Variants in HS3ST5 observed in about 807,000 individuals in gnomAD.
The protein encoded by HS3ST5 is heparan sulfate-glucosamine 3-sulfotransferase 5, also known as heparan sulfate glucosamine 3-O-sulfotransferase 5.
A neutral mutation model predicts 25.4 loss-of-function variants in HS3ST5; 10 were observed. That is an observed-to-expected ratio of 0.39 (90% CI 0.24 to 0.67). The LOEUF is 0.67. HS3ST5 is among the 30% of genes least tolerant of loss of function. The probability of loss-of-function intolerance (pLI) is 0.44; values close to 1 mark genes in which losing one functional copy is unlikely to be tolerated. For synonymous variants in HS3ST5, 170 were observed against 162.4 expected, an observed-to-expected ratio of 1.05 and a Z score of -0.36; for missense variants, 324 against 420.7, an observed-to-expected ratio of 0.77 and a Z score of 2.01.
At chr6:114,174,845 T>G (rs1205262117) in intron 2 of HS3ST5, among the ~76,000 whole-genome samples, 1 of 151,968 alleles carries the variant, frequency 6.6e-6, no homozygotes, top group Non-Finnish European at 1.5e-5. Context: ...ATACAAAAAT[T>G]AGCTGGGCAT....
At chr6:114,087,000 C>T (rs1324208853) in intron 3 of HS3ST5, among the ~76,000 whole-genome samples, 1 of 152,206 alleles carries the variant, frequency 6.6e-6, no homozygotes, top group Non-Finnish European at 1.5e-5. Flanking sequence ...ATAACTCTCA[C>T]AGAAGCTGAC....
chr6:114,084,902 G>T, intron 3 of HS3ST5: 1 of 515,174 alleles, frequency 1.9e-6, no homozygotes, highest in South Asian at 2.0e-5. Context: ...TGTGATCTCG[G>T]CTCACTGCAA....
chr6:114,322,635 C>A (rs1425827745), intron 1 of HS3ST5, among the ~76,000 whole-genome samples: 1 of 152,030 alleles, frequency 6.6e-6, no homozygotes, highest in African/African-American at 2.4e-5. Context: ...GACAAGAATC[C>A]TGGAGGTCAT....
intron 3 of HS3ST5, among the ~76,000 whole-genome samples, chr6:114,096,257 A>C (rs1775418838): frequency 6.6e-6 from 1 of 152,196 alleles, no homozygotes; most frequent in Non-Finnish European, 1.5e-5. Context: ...TAATGTTAAA[A>C]AGTTCCAAAC....
intron 3 of HS3ST5, among the ~76,000 whole-genome samples, chr6:114,090,784 C>T (rs893527433): frequency 1.3e-5 from 2 of 152,130 alleles, no homozygotes; most frequent in African/African-American, 4.8e-5. Context: ...ATTAAATGAA[C>T]AAGAAGTAAA....
chr6:114,197,786 T>C (rs1780832570), intron 2 of HS3ST5, among the ~76,000 whole-genome samples: 1 of 152,166 alleles, frequency 6.6e-6, no homozygotes, highest in Admixed American at 6.5e-5. Flanking sequence ...CAGCTGTATC[T>C]ATGTTGCTGC....
intron 1 of HS3ST5, among the ~76,000 whole-genome samples, chr6:114,277,873 T>A (rs528884507): frequency 6.6e-6 from 1 of 152,002 alleles, no homozygotes; most frequent in Admixed American, 6.6e-5. Context: ...ATAGTTGTAA[T>A]TACAAAGGAA....
chr6:114,156,187 G>A (rs1243990032), intron 3 of HS3ST5, among the ~76,000 whole-genome samples: 1 of 152,068 alleles, frequency 6.6e-6, no homozygotes, highest in African/African-American at 2.4e-5. Context: ...TCTACACTAA[G>A]CTTCCACATC....
chr6:114,241,421 C>G lies in HS3ST5; in HGVS notation c.-338-12643G>C, dbSNP rs571273898. ...TGTATTACTTCTGAAGCAATGTTCT[C>G]CCTTTTATCTACATTCATTATGTAT... On this transcript the variant is annotated intron_variant, in intron 1 of 4. Transcript: ENST00000312719. Among the ~76,000 whole-genome samples the G allele has an allele frequency of 3.2e-4, 48 of 152,188 alleles. No homozygotes were observed. In the South Asian group the frequency reaches 9.0e-3, roughly 28 times the overall value.
chr6:114,313,846 G>A (rs888566800), intron 1 of HS3ST5, among the ~76,000 whole-genome samples: 2 of 152,174 alleles, frequency 1.3e-5, no homozygotes, highest in African/African-American at 4.8e-5. Context: ...TTGGATATGA[G>A]AATTAGAAAT....
intron 1 of HS3ST5, among the ~76,000 whole-genome samples, chr6:114,266,154 G>A (rs1582772205): frequency 2.6e-5 from 4 of 152,068 alleles, no homozygotes; most frequent in South Asian, 2.1e-4. Flanking sequence ...GTCAACTACC[G>A]ATGCCATATC....
At chr6:114,072,653 G>A (rs995726194) in intron 3 of HS3ST5, among the ~76,000 whole-genome samples, 1 of 152,048 alleles carries the variant, frequency 6.6e-6, no homozygotes, top group Non-Finnish European at 1.5e-5. Context: ...AATTCATGGT[G>A]GTAGCTTAAA....
chr6:114,083,389 A>G (rs538207048), intron 3 of HS3ST5, among the ~76,000 whole-genome samples: 67 of 152,208 alleles, frequency 4.4e-4, no homozygotes, highest in African/African-American at 1.5e-3. Context: ...CTGGGAGGCA[A>G]AAGAACAAGA....
chr6:114,062,669 T>G, intron 4 of HS3ST5, 70 bp downstream of exon 4: 1 of 954,182 alleles, frequency 1.0e-6, no homozygotes, highest in African/African-American at 1.6e-5. Context: ...AGACTTAAAA[T>G]TATGTCCTAA....
intron 3 of HS3ST5, among the ~76,000 whole-genome samples, chr6:114,096,457 CA>C (rs1189622786): frequency 6.6e-6 from 1 of 152,062 alleles, no homozygotes; most frequent in African/African-American, 2.4e-5. Flanking sequence ...ATGTTTTTCA[CA>C]GTGAATCTCC....
chr6:114,089,991 T>A (rs1374044191), intron 3 of HS3ST5, among the ~76,000 whole-genome samples: 2 of 152,256 alleles, frequency 1.3e-5, no homozygotes, highest in African/African-American at 4.8e-5. Flanking sequence ...TCTGAAGCTC[T>A]GGCGTTGGGG....
chr6:114,100,044 C>G (rs1441017945), intron 3 of HS3ST5, among the ~76,000 whole-genome samples: 3 of 152,100 alleles, frequency 2.0e-5, no homozygotes, highest in Non-Finnish European at 2.9e-5. Context: ...TATGTTTTAC[C>G]TTTTATCCTA....
intron 3 of HS3ST5, among the ~76,000 whole-genome samples, chr6:114,147,190 CTT>C (rs1267611986): frequency 5.9e-5 from 9 of 152,196 alleles, no homozygotes; most frequent in Non-Finnish European, 1.3e-4. Flanking sequence ...CAGCACATGA[CTT>C]TGTGCTGGAT....
intron 1 of HS3ST5, among the ~76,000 whole-genome samples, chr6:114,256,834 T>A (rs919402966): frequency 6.6e-6 from 1 of 152,184 alleles, no homozygotes; most frequent in Non-Finnish European, 1.5e-5. Context: ...CCAGTACCAA[T>A]TTACTGTATT....
Sources: gnomAD v4.1 joint callset for allele counts (sites outside exome capture counted in the v4.1 genomes callset) on GRCh38, gnomAD v4.1.1 for gene constraint, MANE v1.5 for transcripts, NCBI Gene and HGNC (gene_info 2026-07-23, HGNC 2026-07-21) for gene names.